LAT2: variants seen among roughly 807,000 people sequenced by gnomAD.
LAT2 encodes linker for activation of T cells family member 2, also known as linker for activation of T-cells family member 2.
In LAT2, 23 loss-of-function variants were observed where a neutral mutation model predicts 43.4. The observed-to-expected ratio is 0.53, with a 90% confidence interval of 0.38 to 0.75. The LOEUF (loss-of-function observed/expected upper bound fraction) is 0.75. Among genes scored for constraint, LAT2 ranks in the 30% least tolerant of loss-of-function variants. LAT2 has a pLI of 0.00. For missense variants in LAT2, 284 were observed against 310.2 expected, an observed-to-expected ratio of 0.92 and a Z score of 0.64; for synonymous variants, 128 against 123.2, an observed-to-expected ratio of 1.04 and a Z score of -0.26.
rs1350924972 is a variant in LAT2 at position 74,214,385 on chromosome 7, TATAA to T, written c.-218-433_-218-430del. Among the ~76,000 whole-genome samples, 23 of 69,500 alleles carry T rather than the reference TATAA, an allele frequency of 3.3e-4. 2 individuals carry two copies. The highest frequency in any genetic ancestry group is 8.2e-4 in the Admixed American group (3 of 3,674). 45.6% of individuals were successfully genotyped at this position (69,500 alleles called of 152,430 possible). A position where few individuals can be genotyped will look rare whatever the true frequency, so the allele number is the denominator to read the frequency against. On this transcript the variant is annotated intron_variant, in intron 1 of 13. Transcript: ENST00000460943. ...AAATATATATATATGAAAATATATA[TATAA>T]ATATATATATATGAAAATATATATA...
At chr7:74,210,820 A>G (rs1801706722) in intron 1 of LAT2, among the ~76,000 whole-genome samples, 1 of 152,106 alleles carries the variant, frequency 6.6e-6, no homozygotes, top group African/African-American at 2.4e-5. Flanking sequence ...ATTAAAAACT[A>G]AATGAAAAAA....
At chr7:74,222,699 G>A (rs993954609) in intron 10 of LAT2, among the ~76,000 whole-genome samples, 12 of 151,850 alleles carry the variant, frequency 7.9e-5, no homozygotes, top group Admixed American at 5.3e-4. Context: ...TCAGCCTCCC[G>A]AGTAGCTGAG....
In LAT2 at chr7:74,223,799, C is replaced by A; in HGVS notation, c.448+16C>A. The A allele has an allele frequency of 6.2e-7, 1 of 1,612,726 alleles. No individual in the cohort carries two copies. Among genetic ancestry groups the A allele is most frequent in the Non-Finnish European group, 8.5e-7 (1 of 1,178,984 alleles). Reference sequence around the variant, plus strand: ...ACAGAGACAGGTGAGGCTGCCCAGCCAGAGGCAGGCTGGGGCTGGGAGCAG... The same window carrying A: ...ACAGAGACAGGTGAGGCTGCCCAGCAAGAGGCAGGCTGGGGCTGGGAGCAG... On this transcript the variant is annotated intron_variant, in intron 11 of 13. Transcript: ENST00000460943.
rs1563978420 is a variant in LAT2 at position 74,226,863 on chromosome 7, G to A, written c.*19-2081G>A. 2.0e-5 allele frequency among the ~76,000 whole-genome samples: 3 copies of A among 152,130 alleles called. No homozygotes were observed. In the East Asian group the frequency reaches 5.8e-4, roughly 29 times the overall value. On this transcript the variant is annotated intron_variant, in intron 13 of 13. Coordinates refer to ENST00000460943, the MANE Select transcript of LAT2 (RefSeq NM_032464.3). ...TCTGGGGGAAGGACATCCAGGCAGA[G>A]GGGACAACAGAGGCCCCAGGGTGGA...
chr7:74,211,063 AACTGCCC>A (rs1554713062), intron 1 of LAT2, among the ~76,000 whole-genome samples: 1 of 152,052 alleles, frequency 6.6e-6, no homozygotes, highest in African/African-American at 2.4e-5. Context: ...TTCATATGAA[AACTGCCC>A]ACTTCCCTTT....
At chr7:74,228,338 T>C (rs1359890247) in intron 13 of LAT2, among the ~76,000 whole-genome samples, 3 of 143,304 alleles carry the variant, frequency 2.1e-5, no homozygotes, top group African/African-American at 7.8e-5. Context: ...TAGCCGGGCA[T>C]GGTGGCAGGC....
chr7:74,216,444 T>TCACTGTAA (rs1554714319), intron 3 of LAT2, among the ~76,000 whole-genome samples: 1 of 152,120 alleles, frequency 6.6e-6, no homozygotes, highest in African/African-American at 2.4e-5. Context: ...CAATCTTGGC[T>TCACTGTAA]CACTGTAACA....
chr7:74,224,913 T>C (rs1802432138), intron 13 of LAT2, 153 bp downstream of exon 13: 4 of 566,478 alleles, frequency 7.1e-6, no homozygotes, highest in Non-Finnish European at 1.3e-5. Context: ...AGAGGGCAGC[T>C]TGGCGACTCT....
chr7:74,216,791 C>T, intron 3 of LAT2, 34 bp from the exon 4 acceptor site: 1 of 1,610,540 alleles, frequency 6.2e-7, no homozygotes, highest in Non-Finnish European at 8.5e-7. Flanking sequence ...CAGCTGCTCC[C>T]AGACCCTTTG....
At chr7:74,224,380 G>C (rs1802406983) in intron 12 of LAT2, among the ~76,000 whole-genome samples, 183 bp downstream of exon 12, 1 of 152,206 alleles carries the variant, frequency 6.6e-6, no homozygotes, top group East Asian at 1.9e-4. Flanking sequence ...CAGCCGCCCA[G>C]CCTCCAGGGT....
chr7:74,213,866 C>T (rs1245415923), intron 1 of LAT2, among the ~76,000 whole-genome samples: 3 of 151,148 alleles, frequency 2.0e-5, no homozygotes, highest in African/African-American at 7.3e-5. Context: ...AGTGTTGGCT[C>T]CACAAATGCC....
intron 13 of LAT2, chr7:74,225,408 C>T (rs1802450591): frequency 6.6e-6 from 1 of 152,244 alleles, no homozygotes; most frequent in South Asian, 2.1e-4. Flanking sequence ...AATAAAAAAA[C>T]AGACATTGCA....
chr7:74,225,053 C>T, intron 13 of LAT2: 1 of 237,284 alleles, frequency 4.2e-6, no homozygotes, highest in Admixed American at 5.1e-5. Context: ...AAGTGACAAC[C>T]TCCCAGAACT....
chr7:74,218,374 T>C (rs1802122025), intron 4 of LAT2, among the ~76,000 whole-genome samples: 1 of 152,150 alleles, frequency 6.6e-6, no homozygotes, highest in African/African-American at 2.4e-5. Context: ...CTGGGCCAGG[T>C]ACCCATTCTG....
chr7:74,224,444 C>T lies in LAT2; in HGVS notation c.629-195C>T, dbSNP rs192500242. 2.5e-3 allele frequency among the ~76,000 whole-genome samples: 377 copies of T among 152,326 alleles called. 9 individuals carry two copies. The highest frequency in any genetic ancestry group is 5.4e-4 in the Non-Finnish European group (37 of 68,034). On this transcript the variant is annotated intron_variant, in intron 12 of 13. Transcript: ENST00000460943. ...CCATCCAGCTGCATGCATGGAGTAA[C>T]GCATTCACCTGCTCTCACAGCAGGA...
At chr7:74,222,573 GCCACCT>G (rs1802329635) in intron 10 of LAT2, among the ~76,000 whole-genome samples, 1 of 150,916 alleles carries the variant, frequency 6.6e-6, no homozygotes, top group South Asian at 2.1e-4. Flanking sequence ...CCCCACCACT[GCCACCT>G]CCATTTTTTT....
At position 74,220,398 on chromosome 7, in the gene LAT2, G is replaced by A; in HGVS notation, c.265+144G>A. On this transcript the variant is annotated intron_variant, in intron 7 of 13. Coordinates refer to ENST00000460943, the MANE Select transcript of LAT2 (RefSeq NM_032464.3). This position sits in a 1 kb window ranked among gnomAD's most constrained non-coding sequence, Gnocchi z 4.5. ...AGGAGAGACACACAGGCTGGGGCAG[G>A]GCAGGCTCCTGGAATCGGCCTGGCA... 1 of 1,246,796 alleles carries A rather than the reference G, an allele frequency of 8.0e-7. No homozygotes were observed. The allele number at this position is 1,246,796 out of a possible 1,614,324, so 77.2% of individuals were successfully genotyped here.
intron 4 of LAT2, 137 bp downstream of exon 4, chr7:74,217,001 C>T (rs567687219): frequency 1.1e-5 from 8 of 719,930 alleles, no homozygotes; most frequent in Non-Finnish European, 1.7e-5. Context: ...GGTCCCTAGC[C>T]ATCAGAGAAG....
chr7:74,221,347 T>G (rs1207276175), intron 9 of LAT2, among the ~76,000 whole-genome samples: 1 of 137,656 alleles, frequency 7.3e-6, no homozygotes, highest in East Asian at 2.1e-4. Flanking sequence ...CCTGGGAGGC[T>G]GAGGTTGCAG....
Sources: gnomAD v4.1 joint callset for allele counts (sites outside exome capture counted in the v4.1 genomes callset) on GRCh38, gnomAD v4.1.1 for gene constraint, Gnocchi (gnomAD v3.1) non-coding constraint, MANE v1.5 for transcripts, NCBI Gene and HGNC (gene_info 2026-07-23, HGNC 2026-07-21) for gene names.